The following EPHA7 variants were observed in gnomAD, a reference collection of about 807,000 sequenced individuals.
The protein encoded by EPHA7 is EPH receptor A7.
Under a neutral mutation model 112.6 loss-of-function variants are expected in EPHA7, and 25 were observed. The ratio of observed to expected loss-of-function variants is 0.22; its 90% CI spans 0.16 to 0.31. EPHA7 has a LOEUF of 0.31. EPHA7 is among the 10% of genes least tolerant of loss of function. The pLI is 1.00. For synonymous variants in EPHA7, 437 were observed against 406.5 expected (o/e 1.07, Z -0.90); for missense variants, 962 against 1,212.6 (o/e 0.79, Z 3.07).
At chr6:93,382,200 C>T (rs929652207) in intron 3 of EPHA7, among the ~76,000 whole-genome samples, 1 of 151,988 alleles carries the variant, frequency 6.6e-6, no homozygotes, top group African/African-American at 2.4e-5. Context: ...ACTGGTTTTG[C>T]GGAAGACAAT....
intron 13 of EPHA7, among the ~76,000 whole-genome samples, chr6:93,255,124 A>C (rs1582396365): frequency 6.6e-6 from 1 of 152,044 alleles, no homozygotes. Flanking sequence ...TGGGTGGATC[A>C]CCTGAGGCCA....
Position 93,419,408 on chromosome 6 carries a change from T to C in EPHA7, c.-67A>G. On this transcript the variant is annotated 5_prime_UTR_variant, in exon 1 of 17. Transcript: ENST00000369303. ...GTCGTGGATTTTTAAATGCTGTTTG[T>C]TCCGAAGTAGCTTTTGTTTTATTGT... 7.5e-7 allele frequency: 1 copy of C among 1,330,432 alleles called. No individual in the cohort carries two copies. Among genetic ancestry groups the C allele is most frequent in the Admixed American group, 1.8e-5 (1 of 56,374 alleles). The allele number at this position is 1,330,432 out of a possible 1,614,324, so 82.4% of individuals were successfully genotyped here.
At chr6:93,288,673 C>A (rs1424064554) in intron 5 of EPHA7, among the ~76,000 whole-genome samples, 1 of 151,952 alleles carries the variant, frequency 6.6e-6, no homozygotes, top group African/African-American at 2.4e-5. Context: ...CCTCACCATG[C>A]ATAAATCTTC....
intron 5 of EPHA7, among the ~76,000 whole-genome samples, chr6:93,318,723 T>C (rs182413048): frequency 1.4e-3 from 211 of 152,152 alleles, no homozygotes; most frequent in African/African-American, 4.6e-3. Flanking sequence ...ATGTAGTTTT[T>C]ATGAAAAAAT....
intron 5 of EPHA7, among the ~76,000 whole-genome samples, chr6:93,282,259 C>T (rs1245963971): frequency 6.6e-6 from 1 of 152,194 alleles, no homozygotes. Flanking sequence ...TAATCATACA[C>T]ATTCATAATA....
intron 5 of EPHA7, among the ~76,000 whole-genome samples, chr6:93,323,881 A>G (rs1245915029): frequency 6.6e-6 from 1 of 151,514 alleles, no homozygotes; most frequent in Non-Finnish European, 1.5e-5. Context: ...CTATGTTTTC[A>G]AAGAGAGTTA....
intron 16 of EPHA7, 112 bp downstream of exon 16, chr6:93,245,186 T>TA (rs1769891363): frequency 3.9e-6 from 4 of 1,019,394 alleles, no homozygotes; most frequent in Admixed American, 2.9e-5. Context: ...GTATTTTTTT[T>TA]ATCTTGATTT....
chr6:93,258,756 A>G (rs891983670), intron 10 of EPHA7, among the ~76,000 whole-genome samples: 1 of 150,208 alleles, frequency 6.7e-6, no homozygotes, highest in Non-Finnish European at 1.5e-5. Flanking sequence ...AAACATTGCT[A>G]TTCCTTTTAA....
intron 5 of EPHA7, among the ~76,000 whole-genome samples, chr6:93,303,481 G>GA (rs931544969): frequency 6.6e-6 from 1 of 151,690 alleles, no homozygotes; most frequent in African/African-American, 2.4e-5. Flanking sequence ...GTGCTAAAGA[G>GA]AAAAAAAATC....
At chr6:93,324,757 AT>A (rs1453571746) in intron 5 of EPHA7, among the ~76,000 whole-genome samples, 5 of 151,444 alleles carry the variant, frequency 3.3e-5, no homozygotes, top group Admixed American at 1.3e-4. Flanking sequence ...AATATTCACT[AT>A]TTATCACCAA....
At chr6:93,285,533 C>CTGTTTGAATATTATTAACTATGCAAAAGA (rs1180185201) in intron 5 of EPHA7, among the ~76,000 whole-genome samples, 1 of 152,032 alleles carries the variant, frequency 6.6e-6, no homozygotes. Context: ...GATAAGAAAT[C>CTGTTTGAATATTATTAACTATGCAAAAGA]GAAAACAATT....
At chr6:93,321,198 A>ACC (rs2127884165) in intron 5 of EPHA7, among the ~76,000 whole-genome samples, 1 of 152,126 alleles carries the variant, frequency 6.6e-6, no homozygotes, top group Admixed American at 6.6e-5. Context: ...ACTGGTCTCC[A>ACC]CCAAGTTTGT....
chr6:93,313,751 CA>C (rs148491328), intron 5 of EPHA7, among the ~76,000 whole-genome samples: 4,279 of 151,484 alleles, frequency 0.028, 210 homozygotes, highest in African/African-American at 0.098. Context: ...ATGGAACAAG[CA>C]ATATAAAGAC....
chr6:93,267,795 T>A (rs1038182591), intron 7 of EPHA7, among the ~76,000 whole-genome samples: 5 of 151,742 alleles, frequency 3.3e-5, no homozygotes, highest in Admixed American at 6.6e-5. Context: ...TGGTTTAATA[T>A]TCTCAATTTA....
At chr6:93,350,309 G>A (rs1024663359) in intron 5 of EPHA7, among the ~76,000 whole-genome samples, 10 of 151,980 alleles carry the variant, frequency 6.6e-5, no homozygotes, top group Non-Finnish European at 1.3e-4. Flanking sequence ...GCAATTTCTC[G>A]TGTAATGGAT....
chr6:93,417,772 T>A (rs138495760), intron 1 of EPHA7, among the ~76,000 whole-genome samples: 103 of 152,088 alleles, frequency 6.8e-4, no homozygotes, highest in African/African-American at 2.4e-3. Context: ...CTAGCAGATG[T>A]CCGTCCTTCT....
chr6:93,361,622 C>A (rs2127950825), intron 3 of EPHA7, among the ~76,000 whole-genome samples: 1 of 152,104 alleles, frequency 6.6e-6, no homozygotes, highest in African/African-American at 2.4e-5. Context: ...GCAATTTCTC[C>A]TCTCTCTAAA....
At chr6:93,371,244 A>G (rs1432849813) in intron 3 of EPHA7, among the ~76,000 whole-genome samples, 3 of 135,220 alleles carry the variant, frequency 2.2e-5, no homozygotes, top group African/African-American at 7.6e-5. Flanking sequence ...CCAACCATGG[A>G]TAATAAATAT....
chr6:93,336,178 T>C (rs1370983748), intron 5 of EPHA7, among the ~76,000 whole-genome samples: 6 of 152,132 alleles, frequency 3.9e-5, no homozygotes, highest in South Asian at 4.1e-4. Flanking sequence ...AAAAATAATA[T>C]ATAATCATCA....
Sources: gnomAD v4.1 joint callset for allele counts (sites outside exome capture counted in the v4.1 genomes callset) on GRCh38, gnomAD v4.1.1 for gene constraint, MANE v1.5 for transcripts, NCBI Gene and HGNC (gene_info 2026-07-23, HGNC 2026-07-21) for gene names.